The following DOCK1 variants were observed in gnomAD, a reference collection of about 807,000 sequenced individuals.
The protein encoded by DOCK1 is dedicator of cytokinesis protein 1.
DOCK1 carries 138 observed loss-of-function variants against 262.7 expected under a neutral mutation model. The observed-to-expected ratio is 0.53, with a 90% CI of 0.46 to 0.61. DOCK1 has a LOEUF of 0.61. DOCK1 is among the 20% of genes least tolerant of loss of function. The pLI is 0.00. For missense variants in DOCK1, 1,908 were observed against 2,370.7 expected, an observed-to-expected ratio of 0.80 and a Z score of 4.05; for synonymous variants, 866 against 867.4, an observed-to-expected ratio of 1.00 and a Z score of 0.03.
At chr10:127,342,924 G>A (rs1472133038) in intron 30 of DOCK1, among the ~76,000 whole-genome samples, 3 of 152,166 alleles carry the variant, frequency 2.0e-5, no homozygotes, top group Non-Finnish European at 4.4e-5. Context: ...CTATTCTTAA[G>A]TGAGGAGCTT....
At chr10:127,021,572 C>G (rs1038396753) in intron 13 of DOCK1, among the ~76,000 whole-genome samples, 1 of 152,112 alleles carries the variant, frequency 6.6e-6, no homozygotes. Flanking sequence ...GTGGTGCTGG[C>G]CTTGGAGGCT....
rs2044095453 is a variant in DOCK1, at chr10:127,042,642, G to A, written c.2028G>A (p.Leu676=). ...CTATGCAGTTTCTTCAGGACACGTT[G>A]GATGCCCTCTTCAACATCATGATGG... ...GEVVKFLQDT[L]DALFNIMMEN... The change falls in exon 20 of 52, where the codon TTG becomes TTA. Residue 676 remains leucine, a synonymous_variant. Transcript: ENST00000623213. The A allele has an allele frequency of 6.8e-6, 11 of 1,614,116 alleles. No homozygotes were observed. Among genetic ancestry groups the A allele is most frequent in the Non-Finnish European group, 9.3e-6 (11 of 1,180,010 alleles).
intron 10 of DOCK1, chr10:127,000,545 C>T (rs941187686): frequency 1.2e-5 from 6 of 496,820 alleles, no homozygotes. Flanking sequence ...TAAAGTGGAT[C>T]CCATCTTTCC....
At chr10:127,167,586 C>T (rs4567368) in intron 27 of DOCK1, among the ~76,000 whole-genome samples, 1 of 152,078 alleles carries the variant, frequency 6.6e-6, no homozygotes, top group Non-Finnish European at 1.5e-5. Context: ...AGAATATGTT[C>T]TTGGAGCAGA....
chr10:127,419,852 G>A (rs1167504293), intron 46 of DOCK1, 103 bp downstream of exon 46: 1 of 1,226,142 alleles, frequency 8.2e-7, no homozygotes, highest in Non-Finnish European at 1.2e-6. Context: ...CTGGGCTGCA[G>A]TCCTGATGCA....
At chr10:127,195,811 C>A (rs1367183227) in intron 27 of DOCK1, among the ~76,000 whole-genome samples, 1 of 152,152 alleles carries the variant, frequency 6.6e-6, no homozygotes, top group Admixed American at 6.5e-5. Context: ...GCGACCGCAC[C>A]GGGTCCGCTC....
chr10:127,362,246 G>A (rs2064500440), intron 33 of DOCK1, 34 bp downstream of exon 33: 1 of 1,596,860 alleles, frequency 6.3e-7, no homozygotes, highest in Non-Finnish European at 8.5e-7. Context: ...GTGGCCGGGG[G>A]ACATGAGGGA....
At chr10:127,055,556 A>G (rs2045085401) in intron 22 of DOCK1, among the ~76,000 whole-genome samples, 1 of 152,230 alleles carries the variant, frequency 6.6e-6, no homozygotes, top group Admixed American at 6.5e-5. Context: ...TGATTTTAGT[A>G]AAGGAGTTAG....
intron 2 of DOCK1, among the ~76,000 whole-genome samples, chr10:126,975,348 G>A (rs1256826579): frequency 1.3e-5 from 2 of 152,236 alleles, no homozygotes; most frequent in Admixed American, 1.3e-4. Context: ...ATGTCTTTGG[G>A]CTGCGTTCCC....
intron 32 of DOCK1, among the ~76,000 whole-genome samples, chr10:127,356,354 A>G (rs1350351807): frequency 2.0e-5 from 3 of 152,214 alleles, no homozygotes; most frequent in Middle Eastern, 3.2e-3. Context: ...GGGCCGTTAG[A>G]TAAAGTGGTT....
At chr10:127,416,930 A>G (rs2068191952) in intron 44 of DOCK1, among the ~76,000 whole-genome samples, 1 of 152,012 alleles carries the variant, frequency 6.6e-6, no homozygotes, top group Non-Finnish European at 1.5e-5. Flanking sequence ...ACACCAGTGC[A>G]TCACAATCTC....
Position 127,037,769 on chromosome 10 carries a change from C to T in DOCK1, c.1963C>T (p.Gln655Ter), listed in dbSNP as rs753042267. 1 of 1,600,938 alleles carries T rather than the reference C, an allele frequency of 6.2e-7. No homozygotes were observed. The highest frequency in any genetic ancestry group is 1.1e-5 in the South Asian group (1 of 88,130). ...GCGCTCCAACACCAGCCTGCTGCAG[C>T]AGAACTTGAGGCAGCTGATGAAAGT... ...KWRSNTSLLQQNLRQLMKVDG... is the reference protein window; with the variant it reads ...KWRSNTSLLQ The change falls in exon 19 of 52, where the codon CAG becomes TAG. Residue 655 changes from glutamine to a stop codon, truncating the protein, a stop_gained. Coordinates refer to ENST00000623213, the MANE Select transcript of DOCK1 (RefSeq NM_001290223.2). LOFTEE classifies it high-confidence loss of function.
chr10:127,321,246 CT>C (rs76153715), intron 29 of DOCK1, among the ~76,000 whole-genome samples: 35,722 of 109,270 alleles, frequency 0.33, 6,742 homozygotes, highest in Admixed American at 0.38. Context: ...CGTCCTCCCC[CT>C]CTCTCTCCTC....
intron 27 of DOCK1, among the ~76,000 whole-genome samples, chr10:127,240,638 C>G (rs568780465): frequency 4.3e-4 from 65 of 152,318 alleles, no homozygotes; most frequent in African/African-American, 1.5e-3. Context: ...GCACTGCACA[C>G]TATCCTCTGT....
chr10:127,027,377 T>C (rs2042941535), intron 16 of DOCK1, among the ~76,000 whole-genome samples: 2 of 152,178 alleles, frequency 1.3e-5, no homozygotes, highest in Admixed American at 6.5e-5. Context: ...GAAGATTGCT[T>C]GAGCCCCGGA....
chr10:127,078,489 G>T (rs2046701647), intron 23 of DOCK1, among the ~76,000 whole-genome samples: 1 of 152,000 alleles, frequency 6.6e-6, no homozygotes, highest in African/African-American at 2.4e-5. Context: ...CATTCAGGCT[G>T]CCTCCATCAG....
intron 23 of DOCK1, among the ~76,000 whole-genome samples, chr10:127,084,001 A>G (rs1274679313): frequency 6.6e-6 from 1 of 152,248 alleles, no homozygotes; most frequent in East Asian, 1.9e-4. Context: ...TAAAAAATTA[A>G]TATTTGTAAT....
chr10:127,295,427 C>T (rs1212050789), intron 29 of DOCK1, among the ~76,000 whole-genome samples: 2 of 152,128 alleles, frequency 1.3e-5, no homozygotes, highest in African/African-American at 4.8e-5. Flanking sequence ...GACCCAAACA[C>T]CTCCCACTAT....
At chr10:127,103,922 T>C (rs2048390198) in intron 23 of DOCK1, among the ~76,000 whole-genome samples, 2 of 152,356 alleles carry the variant, frequency 1.3e-5, no homozygotes, top group East Asian at 3.9e-4. Flanking sequence ...AGCAGTGTTA[T>C]ACAAAGAGCA....
Sources: gnomAD v4.1 joint callset for allele counts (sites outside exome capture counted in the v4.1 genomes callset) on GRCh38, gnomAD v4.1.1 for gene constraint, MANE v1.5 for transcripts, NCBI Gene and HGNC (gene_info 2026-07-23, HGNC 2026-07-21) for gene names.